Variants in NXT2 observed in about 807,000 individuals in gnomAD.
NXT2 encodes nuclear transport factor 2 like export factor 2.
In NXT2, 1 loss-of-function variant was observed where a neutral mutation model predicts 9.6. The ratio of observed to expected loss-of-function variants is 0.10; its 90% CI spans 0.04 to 0.49. The LOEUF is 0.49. NXT2 is among the 20% of genes least tolerant of loss of function. The pLI is 0.95. For synonymous variants in NXT2, 22 were observed against 35.4 expected (o/e 0.62, Z 1.34); for missense variants, 48 against 100.3 (o/e 0.48, Z 2.23).
In NXT2 at chrX:109,544,498, A is replaced by T. The variant is rs1933487765; in HGVS notation, c.*1810A>T. ...CAATGGTAACTAAAAGCTGCATATAACTAGCAATAACTACATTGAACGGTG... is the reference window on the plus strand; with the variant it reads ...CAATGGTAACTAAAAGCTGCATATATCTAGCAATAACTACATTGAACGGTG... On this transcript the variant is annotated 3_prime_UTR_variant, in exon 4 of 4. Coordinates refer to ENST00000372106, the MANE Select transcript of NXT2 (RefSeq NM_001242617.2). 8.9e-6 allele frequency: 1 copy of T among 112,721 alleles called. No individual in the cohort carries two copies. The highest frequency in any genetic ancestry group is 3.6e-4 in the South Asian group (1 of 2,777). The allele number at this position is 112,721 out of a possible 1,213,427, so 9.3% of individuals were successfully genotyped here.
chrX:109,542,462 A>G lies in NXT2; in HGVS notation c.248-45A>G, dbSNP rs749677546. On this transcript the variant is annotated intron_variant, in intron 3 of 3. Transcript: ENST00000372106. ...TAAGCCTGAAAATCTGCTTATTTAG[A>G]GATAGAAAATGATGTGTTCTCTTTT... is the stretch of plus-strand genomic sequence containing the variant. The G allele has an allele frequency of 2.5e-5, 27 of 1,079,672 alleles. No individual in the cohort carries two copies. In the East Asian group the frequency reaches 5.9e-4, roughly 24 times the overall value. The allele number at this position is 1,079,672 out of a possible 1,213,427, so 89.0% of individuals were successfully genotyped here.
chrX:109,542,139 T>C (rs937945049), intron 3 of NXT2, among the ~76,000 whole-genome samples: 1 of 111,312 alleles, frequency 9.0e-6, no homozygotes, highest in African/African-American at 3.3e-5. Flanking sequence ...TTTTTTTCCT[T>C]TATAATTCCT....
chrX:109,537,991 T>C, intron 1 of NXT2, 54 bp from the exon 2 acceptor site: 1 of 762,701 alleles, frequency 1.3e-6, no homozygotes, highest in East Asian at 3.2e-5. Flanking sequence ...TGGTTTTGTG[T>C]TTGTGAGGGG....
In NXT2 at chrX:109,540,340, T is replaced by A. The variant is rs765558156; in HGVS notation, c.103-1135T>A. Among the ~76,000 whole-genome samples the A allele has an allele frequency of 3.2e-4, 36 of 111,044 alleles. 1 individual carries two copies. In the East Asian group the frequency reaches 7.0e-3, roughly 22 times the overall value. ...TTTTTTTATTTTTATTTATTTATTT[T>A]TTTTTGAGATGGTGTCTCACTCTGT... On this transcript the variant is annotated intron_variant, in intron 2 of 3. Coordinates refer to ENST00000372106, the MANE Select transcript of NXT2 (RefSeq NM_001242617.2).
intron 1 of NXT2, 158 bp downstream of exon 1, chrX:109,537,179 C>T: frequency 1.9e-6 from 2 of 1,056,874 alleles, no homozygotes; most frequent in Non-Finnish European, 2.4e-6. Flanking sequence ...GCTGCCCGCC[C>T]TGCCGGCCCC....
chrX:109,536,775 T>C, upstream of NXT2: 1 of 963,154 alleles, frequency 1.0e-6, no homozygotes, highest in Non-Finnish European at 1.4e-6. Flanking sequence ...ATAAGGTGGA[T>C]GGGAGGGATC....
intron 2 of NXT2, among the ~76,000 whole-genome samples, chrX:109,541,189 A>C (rs1399494848): frequency 1.8e-5 from 2 of 111,782 alleles, no homozygotes; most frequent in Non-Finnish European, 3.8e-5. Flanking sequence ...CAGAAAGCAG[A>C]ACTTAATTGG....
Position 109,541,624 on chromosome X carries a change from G to A in NXT2, c.247+5G>A. ...TAGATTGCCAACCAGTTCATGGTAA[G>A]ATCATGATCTTTCAAGATGCTTCCT... On this transcript the variant is annotated splice_donor_5th_base_variant and intron_variant, in intron 3 of 3. Coordinates refer to ENST00000372106, the MANE Select transcript of NXT2 (RefSeq NM_001242617.2). The A allele has an allele frequency of 8.5e-7, 1 of 1,182,578 alleles. No individual in the cohort carries two copies. The highest frequency in any genetic ancestry group is 1.1e-6 in the Non-Finnish European group (1 of 875,081).
At chrX:109,541,726 C>T (rs1172414968) in intron 3 of NXT2, 107 bp downstream of exon 3, 3 of 617,824 alleles carry the variant, frequency 4.9e-6, no homozygotes, top group East Asian at 3.5e-5. Flanking sequence ...TATTTACTTA[C>T]TTGAGCAAGT....
At position 109,542,770 on chromosome X, in the gene NXT2, A is replaced by G. The variant is rs771501617; in HGVS notation, c.*82A>G. ...GAATTATTTTGATTGTAGAAGCACT[A>G]TAATATGTGCTGAAACTAAATTTCT... On this transcript the variant is annotated 3_prime_UTR_variant, in exon 4 of 4. Transcript: ENST00000372106. 2.4e-5 allele frequency: 18 copies of G among 745,859 alleles called. No individual in the cohort carries two copies. Among genetic ancestry groups the G allele is most frequent in the South Asian group, 3.6e-5 (1 of 27,561 alleles). 61.5% of individuals were successfully genotyped at this position (745,859 alleles called of 1,213,427 possible). A position where few individuals can be genotyped will look rare whatever the true frequency, so the allele number is the denominator to read the frequency against.
chrX:109,537,788 A>G (rs892008835), intron 1 of NXT2, among the ~76,000 whole-genome samples: 1 of 112,173 alleles, frequency 8.9e-6, no homozygotes, highest in Non-Finnish European at 1.9e-5. Context: ...TTATAAATTT[A>G]TATGTGGAGA....
chrX:109,537,377 G>A, intron 1 of NXT2: 1 of 818,258 alleles, frequency 1.2e-6, no homozygotes, highest in Non-Finnish European at 1.5e-6. Flanking sequence ...TCTTAATTTA[G>A]TAATAGACTG....
chrX:109,538,912 G>A (rs1382217222), intron 2 of NXT2, among the ~76,000 whole-genome samples: 1 of 111,130 alleles, frequency 9.0e-6, no homozygotes, highest in Non-Finnish European at 1.9e-5. Context: ...TGGGATACAT[G>A]TGCAGAATGT....
upstream of NXT2, chrX:109,536,621 G>A: frequency 9.3e-6 from 2 of 214,251 alleles, no homozygotes; most frequent in African/African-American, 2.9e-5. Context: ...GCCTCCTGGG[G>A]CAAAAAAGTC....
intron 1 of NXT2, 95 bp from the exon 2 acceptor site, chrX:109,537,950 G>C (rs1370390248): frequency 3.6e-6 from 2 of 555,477 alleles, no homozygotes; most frequent in East Asian, 6.6e-5. Context: ...GAGCTACATA[G>C]TGGTTGAAAT....
At chrX:109,536,552 G>A, upstream of NXT2, 1 of 145,236 alleles carries the variant, frequency 6.9e-6, no homozygotes, top group Non-Finnish European at 1.4e-5. Flanking sequence ...TTATCCTATA[G>A]GCTACGGAAT....
In NXT2 at chrX:109,543,357, T is replaced by G. The variant is rs952350116; in HGVS notation, c.*669T>G. 1 of 112,158 alleles carries G rather than the reference T, an allele frequency of 8.9e-6. No individual in the cohort carries two copies. Among genetic ancestry groups the G allele is most frequent in the Non-Finnish European group, 1.9e-5 (1 of 53,088 alleles). 9.2% of individuals were successfully genotyped at this position (112,158 alleles called of 1,213,427 possible). A position where few individuals can be genotyped will look rare whatever the true frequency, so the allele number is the denominator to read the frequency against. ...TTGGTGGCTTAAAAGCAAAGCTTCCTAAAAAGATTTTTCTTGGCAGCTCCA... is the reference window on the plus strand; with the variant it reads ...TTGGTGGCTTAAAAGCAAAGCTTCCGAAAAAGATTTTTCTTGGCAGCTCCA... On this transcript the variant is annotated 3_prime_UTR_variant, in exon 4 of 4. Coordinates refer to ENST00000372106, the MANE Select transcript of NXT2 (RefSeq NM_001242617.2).
intron 1 of NXT2, chrX:109,537,386 T>C: frequency 1.2e-6 from 1 of 802,150 alleles, no homozygotes; most frequent in Non-Finnish European, 1.5e-6. Flanking sequence ...AGTAATAGAC[T>C]GGGCCCCGTA....
chrX:109,539,570 C>G (rs1411918137), intron 2 of NXT2, among the ~76,000 whole-genome samples: 2 of 108,861 alleles, frequency 1.8e-5, no homozygotes, highest in African/African-American at 3.4e-5. Flanking sequence ...GCCATTCTGA[C>G]TGGCGTGAGA....
Sources: allele counts gnomAD v4.1 joint callset (sites outside exome capture counted in the v4.1 genomes callset), GRCh38; gene constraint gnomAD v4.1.1; transcripts MANE v1.5; gene names NCBI Gene and HGNC (gene_info 2026-07-23, HGNC 2026-07-21).